Variants in TRABD2A observed in about 807,000 individuals in gnomAD.
TRABD2A encodes TraB domain containing 2A.
Under a neutral mutation model 45.6 loss-of-function variants are expected in TRABD2A, and 43 were observed. The observed-to-expected ratio is 0.94, with a 90% CI of 0.74 to 1.22. The LOEUF is 1.22. Ranked by LOEUF, TRABD2A falls within the 50% of genes most tolerant of loss-of-function variation. The pLI, the probability that TRABD2A is intolerant of heterozygous loss-of-function variation, is 0.00. For missense variants in TRABD2A, 642 were observed against 652.4 expected (o/e 0.98, Z 0.17); for synonymous variants, 269 against 265.0 (o/e 1.02, Z -0.15).
chr2:84,867,903 T>G (rs1043239137), intron 2 of TRABD2A, among the ~76,000 whole-genome samples: 5 of 152,178 alleles, frequency 3.3e-5, no homozygotes, highest in African/African-American at 1.2e-4. Flanking sequence ...TCACACCAGT[T>G]AGAATGGCAA....
intron 5 of TRABD2A, among the ~76,000 whole-genome samples, chr2:84,827,560 G>C (rs183104236): frequency 9.2e-5 from 14 of 152,164 alleles, no homozygotes; most frequent in African/African-American, 3.4e-4. Flanking sequence ...AGAGCACCCC[G>C]CTGTGTAACC....
chr2:84,864,869 G>C (rs1053708593), intron 2 of TRABD2A, among the ~76,000 whole-genome samples: 1 of 152,122 alleles, frequency 6.6e-6, no homozygotes, highest in Non-Finnish European at 1.5e-5. Flanking sequence ...TCCTCCACAG[G>C]AGTCTTCCTC....
intron 2 of TRABD2A, among the ~76,000 whole-genome samples, chr2:84,856,873 T>C (rs11684677): frequency 0.17 from 25,890 of 152,120 alleles, 2,577 homozygotes; most frequent in African/African-American, 0.28. Context: ...AGTTCTAACC[T>C]CCCATGTCAC....
chr2:84,845,776 T>C (rs1048610126), intron 2 of TRABD2A, among the ~76,000 whole-genome samples: 8 of 152,176 alleles, frequency 5.3e-5, no homozygotes, highest in Admixed American at 4.6e-4. Flanking sequence ...CAATCATTCA[T>C]CCCTTCTATT....
chr2:84,879,661 T>A (rs1182892559), intron 1 of TRABD2A: 3 of 957,192 alleles, frequency 3.1e-6, no homozygotes, highest in African/African-American at 1.8e-5. Context: ...TGTGAGGAGA[T>A]GGACTCCTGC....
chr2:84,828,832 G>C (rs1045086751), intron 5 of TRABD2A, among the ~76,000 whole-genome samples: 1 of 152,170 alleles, frequency 6.6e-6, no homozygotes, highest in Non-Finnish European at 1.5e-5. Flanking sequence ...CAAACCATAG[G>C]TTCCTTGGGG....
chr2:84,854,296 C>T (rs1397781941), intron 2 of TRABD2A, among the ~76,000 whole-genome samples: 3 of 152,004 alleles, frequency 2.0e-5, no homozygotes, highest in Admixed American at 6.6e-5. Flanking sequence ...AACCAATCCC[C>T]CATGGATACT....
chr2:84,838,389 T>C, intron 4 of TRABD2A: 2 of 604,926 alleles, frequency 3.3e-6, no homozygotes, highest in South Asian at 4.2e-5. Context: ...AAGTTGATTT[T>C]GACCATTTTT....
chr2:84,836,834 A>G (rs1681529140), intron 4 of TRABD2A: 2 of 152,050 alleles, frequency 1.3e-5, no homozygotes, highest in South Asian at 4.1e-4. Context: ...CAGCCCCCGT[A>G]GTGAATTTTT....
intron 2 of TRABD2A, among the ~76,000 whole-genome samples, chr2:84,858,931 C>T (rs1446385922): frequency 6.6e-6 from 1 of 152,072 alleles, no homozygotes; most frequent in African/African-American, 2.4e-5. Context: ...AGTTTGAGGC[C>T]AGCCAAGCAA....
At chr2:84,850,573 T>G (rs1682049870) in intron 2 of TRABD2A, 1 of 152,090 alleles carries the variant, frequency 6.6e-6, no homozygotes, top group Admixed American at 6.5e-5. Context: ...CAGAGAGAGA[T>G]GAGCTGTCTC....
intron 5 of TRABD2A, among the ~76,000 whole-genome samples, chr2:84,825,331 C>T (rs904260843): frequency 6.6e-6 from 1 of 151,998 alleles, no homozygotes; most frequent in African/African-American, 2.4e-5. Flanking sequence ...GTATTAATGG[C>T]CGTGTGTGAG....
intron 2 of TRABD2A, among the ~76,000 whole-genome samples, chr2:84,858,946 G>A (rs1461579022): frequency 6.6e-6 from 1 of 152,132 alleles, no homozygotes; most frequent in Admixed American, 6.5e-5. Flanking sequence ...AAGCAACATA[G>A]CAAGACCCCA....
intron 1 of TRABD2A, among the ~76,000 whole-genome samples, chr2:84,878,959 C>T (rs765441367): frequency 1.3e-5 from 2 of 152,114 alleles, no homozygotes; most frequent in Non-Finnish European, 2.9e-5. Flanking sequence ...TGTGGGTGTC[C>T]CCAAGAGCCT....
intron 2 of TRABD2A, among the ~76,000 whole-genome samples, chr2:84,859,201 T>A (rs1174151787): frequency 6.6e-6 from 1 of 152,160 alleles, no homozygotes; most frequent in Non-Finnish European, 1.5e-5. Flanking sequence ...TCTGGGAAGA[T>A]CAACAGAAGA....
intron 5 of TRABD2A, among the ~76,000 whole-genome samples, chr2:84,826,686 C>A (rs1434018735): frequency 6.6e-6 from 1 of 152,200 alleles, no homozygotes; most frequent in Non-Finnish European, 1.5e-5. Flanking sequence ...CACATGCCAC[C>A]ACGCCCAGCT....
intron 2 of TRABD2A, among the ~76,000 whole-genome samples, chr2:84,858,982 A>T (rs1174700005): frequency 1.3e-5 from 2 of 152,206 alleles, no homozygotes; most frequent in East Asian, 3.8e-4. Context: ...AAAATTTTTT[A>T]AAAACCTGCA....
At chr2:84,839,743 A>G (rs760695389) in intron 3 of TRABD2A, among the ~76,000 whole-genome samples, 3 of 152,240 alleles carry the variant, frequency 2.0e-5, no homozygotes, top group Non-Finnish European at 2.9e-5. Flanking sequence ...TGAAATTTGT[A>G]TAAACACTTA....
chr2:84,845,187 C>T (rs1214472252), intron 2 of TRABD2A, among the ~76,000 whole-genome samples: 1 of 152,102 alleles, frequency 6.6e-6, no homozygotes, highest in Non-Finnish European at 1.5e-5. Context: ...CCTGTCTCTA[C>T]TAAAAATACA....
Sources: gnomAD v4.1 joint callset for allele counts (sites outside exome capture counted in the v4.1 genomes callset) on GRCh38, gnomAD v4.1.1 for gene constraint, MANE v1.5 for transcripts, NCBI Gene and HGNC (gene_info 2026-07-23, HGNC 2026-07-21) for gene names.